BAZ1A: variants seen among roughly 807,000 people sequenced by gnomAD.
BAZ1A encodes the protein bromodomain adjacent to zinc finger domain 1A, also known as bromodomain adjacent to zinc finger domain protein 1A.
Under a neutral mutation model 185.2 loss-of-function variants are expected in BAZ1A, and 50 were observed. The observed-to-expected ratio is 0.27, with a 90% CI of 0.22 to 0.34. The LOEUF (loss-of-function observed/expected upper bound fraction) is 0.34. Ranked by LOEUF, BAZ1A falls within the 10% of genes least tolerant of loss-of-function variation. The pLI is 1.00. For missense variants in BAZ1A, 1,356 were observed against 1,839.9 expected (o/e 0.74, Z 4.81); for synonymous variants, 571 against 615.6 (o/e 0.93, Z 1.07).
chr14:34,810,496 C>T (rs898504178), intron 5 of BAZ1A, among the ~76,000 whole-genome samples: 1 of 152,096 alleles, frequency 6.6e-6, no homozygotes, highest in Non-Finnish European at 1.5e-5. Flanking sequence ...CGTTTATAAG[C>T]ACCTTTATTA....
At chr14:34,852,346 C>T (rs747273006) in intron 3 of BAZ1A, among the ~76,000 whole-genome samples, 41 of 150,720 alleles carry the variant, frequency 2.7e-4, no homozygotes, top group Non-Finnish European at 5.5e-4. Flanking sequence ...CAGCGGGGCA[C>T]AATGGCTCAT....
intron 12 of BAZ1A, among the ~76,000 whole-genome samples, chr14:34,790,864 C>A (rs1880797814): frequency 6.6e-6 from 1 of 152,150 alleles, no homozygotes; most frequent in African/African-American, 2.4e-5. Flanking sequence ...GTGTCTCAAG[C>A]TTGTAATCCC....
intron 23 of BAZ1A, among the ~76,000 whole-genome samples, 195 bp downstream of exon 23, chr14:34,764,512 G>A (rs530917914): frequency 1.3e-5 from 2 of 151,948 alleles, no homozygotes; most frequent in African/African-American, 2.4e-5. Context: ...GGCTGATCTC[G>A]AACTCCTGAC....
intron 9 of BAZ1A, among the ~76,000 whole-genome samples, chr14:34,799,864 C>T (rs953959400): frequency 1.3e-5 from 2 of 152,134 alleles, no homozygotes; most frequent in Admixed American, 6.5e-5. Context: ...CCTGCCTTGG[C>T]CTCCCAAAGT....
At position 34,754,253 on chromosome 14, in the gene BAZ1A, T is replaced by G. The variant is rs370683915; in HGVS notation, c.4475-549A>C. Among the ~76,000 whole-genome samples the G allele has an allele frequency of 5.9e-3, 556 of 94,712 alleles. 9 individuals carry two copies. The highest frequency in any genetic ancestry group is 0.021 in the African/African-American group (521 of 25,058). The allele number at this position is 94,712 out of a possible 152,430, so 62.1% of individuals were successfully genotyped here. A position where few individuals can be genotyped will look rare whatever the true frequency, so the allele number is the denominator to read the frequency against. On this transcript the variant is annotated intron_variant, in intron 26 of 26. Transcript: ENST00000360310. ...GGCCACAGAGCAAGACTCCATCATC[T>G]CAAAAAAAAAAAAAAAAAAATTAGG...
At chr14:34,790,556 G>A (rs1880778305) in intron 12 of BAZ1A, among the ~76,000 whole-genome samples, 3 of 151,970 alleles carry the variant, frequency 2.0e-5, no homozygotes, top group Middle Eastern at 3.4e-3. Context: ...GTTTCACCAT[G>A]TTGGTCAGGC....
Position 34,875,319 on chromosome 14 carries a change from C to G in BAZ1A, c.-240G>C, listed in dbSNP as rs771315293. On this transcript the variant is annotated 5_prime_UTR_variant, in exon 1 of 27. Coordinates refer to ENST00000360310, the MANE Select transcript of BAZ1A (RefSeq NM_013448.3). ...GTCCCACCGCCACTTCCCCGCCTCT[C>G]GGAGCTCCTGGGAAGTTTCTGATCT... The G allele has an allele frequency of 6.6e-6, 3 of 455,902 alleles. No homozygotes were observed. Among genetic ancestry groups the G allele is most frequent in the Non-Finnish European group, 1.3e-5 (3 of 226,768 alleles). 28.2% of individuals were successfully genotyped at this position (455,902 alleles called of 1,614,324 possible).
In BAZ1A at chr14:34,764,699, G is replaced by T; in HGVS notation, c.3776+8C>A. The T allele has an allele frequency of 6.3e-7, 1 of 1,591,956 alleles. No homozygotes were observed. Among genetic ancestry groups the T allele is most frequent in the East Asian group, 2.3e-5 (1 of 44,070 alleles). On this transcript the variant is annotated splice_region_variant and intron_variant, in intron 23 of 26. Transcript: ENST00000360310. ...TACTGACTCATTTTATTGCATGTTA[G>T]GACTTACCTGACTTCTTCCTCTTCT...
chr14:34,862,004 A>T, intron 3 of BAZ1A, 40 bp downstream of exon 3: 2 of 1,591,924 alleles, frequency 1.3e-6, no homozygotes, highest in Non-Finnish European at 1.7e-6. Flanking sequence ...GAGCAATGTG[A>T]ATATAAACTT....
At chr14:34,852,095 C>T (rs2042606620) in intron 3 of BAZ1A, among the ~76,000 whole-genome samples, 1 of 151,738 alleles carries the variant, frequency 6.6e-6, no homozygotes. Flanking sequence ...CCACTGCACT[C>T]CAGCCTGGGC....
At chr14:34,787,651 C>G (rs147402155) in intron 12 of BAZ1A, among the ~76,000 whole-genome samples, 1 of 152,142 alleles carries the variant, frequency 6.6e-6, no homozygotes, top group Non-Finnish European at 1.5e-5. Context: ...CCACTGCACT[C>G]CAGCCTGGGC....
chr14:34,768,391 C>T (rs1268641274), intron 21 of BAZ1A, among the ~76,000 whole-genome samples: 2 of 152,078 alleles, frequency 1.3e-5, no homozygotes, highest in Non-Finnish European at 2.9e-5. Context: ...AACAGGTAAA[C>T]ATAAGTTCCA....
chr14:34,856,479 G>T (rs944428675), intron 3 of BAZ1A, among the ~76,000 whole-genome samples: 4 of 151,906 alleles, frequency 2.6e-5, no homozygotes, highest in African/African-American at 9.7e-5. Flanking sequence ...TAGAGACAGG[G>T]TCTCACCGTG....
rs1880955973 is a variant in BAZ1A, at chr14:34,793,103, T to C, written c.1364-182A>G. Among the ~76,000 whole-genome samples, 6 of 152,144 alleles carry C rather than the reference T, an allele frequency of 3.9e-5. No homozygotes were observed. The South Asian group carries it at 1.2e-3, about 31-fold the overall frequency. On this transcript the variant is annotated intron_variant, in intron 11 of 26. Transcript: ENST00000360310. The stretch of plus-strand genomic sequence containing the variant: ...AGAATTTATAATGATTACAATAAAA[T>C]ACAATAAAATCGTAAGCCAAAGTCA...
chr14:34,767,427 G>A (rs750772822), intron 21 of BAZ1A, among the ~76,000 whole-genome samples: 4 of 152,150 alleles, frequency 2.6e-5, no homozygotes, highest in Non-Finnish European at 5.9e-5. Context: ...GCAGGTGCCT[G>A]TAGTCCCAGC....
In BAZ1A at chr14:34,802,841, A is replaced by G. The variant is rs754578270; in HGVS notation, c.861+13T>C. 1 of 1,608,904 alleles carries G rather than the reference A, an allele frequency of 6.2e-7. No individual in the cohort carries two copies. The highest frequency in any genetic ancestry group is 8.5e-7 in the Non-Finnish European group (1 of 1,177,340). The stretch of plus-strand genomic sequence containing the variant: ...AACAGTGAAAATGTAGTTTTAATCA[A>G]TTCTGTACTTACTTGACTAATATGT... On this transcript the variant is annotated intron_variant, in intron 7 of 26. Coordinates refer to ENST00000360310, the MANE Select transcript of BAZ1A (RefSeq NM_013448.3).
intron 2 of BAZ1A, among the ~76,000 whole-genome samples, chr14:34,870,926 C>A (rs894572500): frequency 6.6e-6 from 1 of 152,190 alleles, no homozygotes; most frequent in Non-Finnish European, 1.5e-5. Context: ...GCTAGTTAAA[C>A]CTCTTCCAAT....
chr14:34,871,839 C>T (rs1011002874), intron 2 of BAZ1A, among the ~76,000 whole-genome samples: 7 of 152,208 alleles, frequency 4.6e-5, no homozygotes, highest in African/African-American at 1.7e-4. Context: ...CCACTGCACT[C>T]CAGCCTGGGC....
chr14:34,773,360 G>A (rs1879354501), intron 20 of BAZ1A, among the ~76,000 whole-genome samples: 1 of 151,880 alleles, frequency 6.6e-6, no homozygotes, highest in Non-Finnish European at 1.5e-5. Flanking sequence ...TTATTCGAAT[G>A]AATTGTTTTT....
Sources: gnomAD v4.1 joint callset for allele counts (sites outside exome capture counted in the v4.1 genomes callset) on GRCh38, gnomAD v4.1.1 for gene constraint, MANE v1.5 for transcripts, NCBI Gene and HGNC (gene_info 2026-07-23, HGNC 2026-07-21) for gene names.